FSTL5: variants seen among roughly 807,000 people sequenced by gnomAD.
FSTL5 encodes follistatin-related protein 5.
FSTL5 carries 62 observed loss-of-function variants against 89.1 expected under a neutral mutation model. The observed-to-expected ratio is 0.70, with a 90% CI of 0.57 to 0.86. The LOEUF (loss-of-function observed/expected upper bound fraction) is 0.86, where lower values mean the gene tolerates loss of function less well. Among genes scored for constraint, FSTL5 ranks in the 40% least tolerant of loss-of-function variants. The probability of loss-of-function intolerance (pLI) is 0.00; values close to 1 mark genes in which losing one functional copy is unlikely to be tolerated. For missense variants in FSTL5, 1,057 were observed against 1,001.6 expected, an observed-to-expected ratio of 1.06 and a Z score of -0.75; for synonymous variants, 383 against 346.2, an observed-to-expected ratio of 1.11 and a Z score of -1.18.
chr4:161,533,141 G>T (rs1731480149), intron 10 of FSTL5, among the ~76,000 whole-genome samples: 1 of 147,884 alleles, frequency 6.8e-6, no homozygotes, highest in African/African-American at 2.5e-5. Flanking sequence ...CCTCAAGTTA[G>T]CAATCCAACA....
At chr4:162,023,188 G>A (rs1302371953) in intron 3 of FSTL5, among the ~76,000 whole-genome samples, 2 of 152,100 alleles carry the variant, frequency 1.3e-5, no homozygotes, top group Non-Finnish European at 2.9e-5. Flanking sequence ...CTATCGTGTG[G>A]TATGGTAAGA....
At chr4:162,019,720 C>T (rs1443660569) in intron 3 of FSTL5, among the ~76,000 whole-genome samples, 1 of 150,832 alleles carries the variant, frequency 6.6e-6, no homozygotes. Context: ...TTGGTTTTAG[C>T]CATTAAATAA....
chr4:161,805,107 C>A (rs1490001668), intron 4 of FSTL5, among the ~76,000 whole-genome samples: 1 of 152,096 alleles, frequency 6.6e-6, no homozygotes, highest in African/African-American at 2.4e-5. Context: ...TTTCACCTAA[C>A]ATCTTTGACT....
chr4:161,430,204 G>GAA (rs145619491), intron 15 of FSTL5, among the ~76,000 whole-genome samples: 2 of 148,044 alleles, frequency 1.4e-5, no homozygotes, highest in South Asian at 2.2e-4. Flanking sequence ...GGAGCAAAAA[G>GAA]AAAAAAAAAT....
At position 161,956,111 on chromosome 4, in the gene FSTL5, AATT is replaced by A. The variant is rs150322075; in HGVS notation, c.161-35462_161-35460del. On this transcript the variant is annotated intron_variant, in intron 3 of 15. Transcript: ENST00000306100. Reference sequence around the variant, plus strand: ...TTTGCTTGTTATGATGAAAAAATCAAATTAAAAATCTATTTTTTCTTTAAACCT... The same window carrying A: ...TTTGCTTGTTATGATGAAAAAATCAAAAAAATCTATTTTTTCTTTAAACCT... Among the ~76,000 whole-genome samples, 659 of 152,004 alleles carry A rather than the reference AATT, an allele frequency of 4.3e-3. 4 individuals carry two copies. The highest frequency in any genetic ancestry group is 0.015 in the African/African-American group (620 of 41,538).
intron 4 of FSTL5, among the ~76,000 whole-genome samples, chr4:161,899,170 CA>C (rs900807156): frequency 1.1e-4 from 16 of 152,120 alleles, no homozygotes; most frequent in African/African-American, 3.6e-4. Context: ...GGATTCTAAT[CA>C]GAATTTGTTT....
intron 10 of FSTL5, among the ~76,000 whole-genome samples, chr4:161,517,713 T>A (rs1730888702): frequency 1.3e-5 from 2 of 152,230 alleles, no homozygotes; most frequent in Non-Finnish European, 2.9e-5. Context: ...GTAAATTGCC[T>A]GAATTTTATA....
rs545020866 is a variant in FSTL5, at chr4:161,383,994, C to T, written c.*1753G>A. ...ACAAAAGAAGGATGTATGCGACAGA[C>T]TTACATGAAATCATTAAGTCACAGA... On this transcript the variant is annotated 3_prime_UTR_variant, in exon 16 of 16. Transcript: ENST00000306100. 1 of 152,264 alleles carries T rather than the reference C, an allele frequency of 6.6e-6. No individual in the cohort carries two copies. The highest frequency in any genetic ancestry group is 1.5e-5 in the Non-Finnish European group (1 of 68,004). The allele number at this position is 152,264 out of a possible 1,614,324, so 9.4% of individuals were successfully genotyped here.
In FSTL5 at chr4:161,441,722, G is replaced by T. The variant is rs187982973; in HGVS notation, c.1841+13282C>A. Among the ~76,000 whole-genome samples the T allele has an allele frequency of 3.9e-5, 6 of 152,164 alleles. No homozygotes were observed. In the East Asian group the frequency reaches 1.2e-3, roughly 29 times the overall value. ...CTAGAAGAATTTTATTACTCCCAGG[G>T]TTCAAGGTTTTTTGAATCATAAGTT... On this transcript the variant is annotated intron_variant, in intron 15 of 15. Coordinates refer to ENST00000306100, the MANE Select transcript of FSTL5 (RefSeq NM_020116.5).
chr4:161,561,446 C>T (rs541388849), intron 8 of FSTL5, among the ~76,000 whole-genome samples: 1 of 151,954 alleles, frequency 6.6e-6, no homozygotes, highest in African/African-American at 2.4e-5. Flanking sequence ...CCAGGAACTG[C>T]ATGGTTTGAG....
At chr4:161,391,314 A>G (rs1730815124) in intron 15 of FSTL5, among the ~76,000 whole-genome samples, 1 of 152,186 alleles carries the variant, frequency 6.6e-6, no homozygotes, top group South Asian at 2.1e-4. Flanking sequence ...GGGTCATATT[A>G]TTAATATCTA....
At chr4:161,754,734 A>G (rs1740514523) in intron 6 of FSTL5, among the ~76,000 whole-genome samples, 1 of 152,120 alleles carries the variant, frequency 6.6e-6, no homozygotes, top group Non-Finnish European at 1.5e-5. Flanking sequence ...GCAAATAAAG[A>G]CATTTATTTG....
At chr4:161,496,484 A>G (rs562582658) in intron 12 of FSTL5, among the ~76,000 whole-genome samples, 1 of 152,268 alleles carries the variant, frequency 6.6e-6, no homozygotes, top group Admixed American at 6.5e-5. Context: ...ATTAAGAGCA[A>G]AGACTAAGGT....
At position 161,478,497 on chromosome 4, in the gene FSTL5, A is replaced by T. The variant is rs886740144; in HGVS notation, c.1608+2523T>A. 4.6e-5 allele frequency among the ~76,000 whole-genome samples: 7 copies of T among 152,106 alleles called. No homozygotes were observed. The East Asian group carries it at 1.3e-3, about 29-fold the overall frequency. ...TACAACTCATGCCTTAACAAAACTT[A>T]CTGTTAGGTGCATCACAACCTTCTT... On this transcript the variant is annotated intron_variant, in intron 13 of 15. Coordinates refer to ENST00000306100, the MANE Select transcript of FSTL5 (RefSeq NM_020116.5).
intron 4 of FSTL5, among the ~76,000 whole-genome samples, chr4:161,894,389 G>C (rs1733086949): frequency 2.0e-5 from 3 of 152,146 alleles, no homozygotes; most frequent in African/African-American, 7.2e-5. Context: ...TATTTGAAAA[G>C]CTAAGAGCAA....
chr4:161,481,930 T>C (rs1051599517), intron 12 of FSTL5, among the ~76,000 whole-genome samples: 1 of 152,212 alleles, frequency 6.6e-6, no homozygotes, highest in African/African-American at 2.4e-5. Flanking sequence ...ACAGCATAAG[T>C]AAAAGCGTAT....
At chr4:161,827,674 T>C (rs528162183) in intron 4 of FSTL5, among the ~76,000 whole-genome samples, 1 of 152,244 alleles carries the variant, frequency 6.6e-6, no homozygotes, top group Admixed American at 6.5e-5. Flanking sequence ...AATGGAGTTA[T>C]GTTCCCAGGG....
At chr4:161,767,443 A>G (rs563977060) in intron 5 of FSTL5, among the ~76,000 whole-genome samples, 12 of 152,322 alleles carry the variant, frequency 7.9e-5, no homozygotes, top group African/African-American at 2.4e-4. Context: ...TGAGACGTAC[A>G]TTGTAAAATT....
rs375362155 is a variant in FSTL5 at position 161,418,527 on chromosome 4, A to T, written c.1842-32078T>A. 6.9e-4 allele frequency among the ~76,000 whole-genome samples: 105 copies of T among 152,258 alleles called. No homozygotes were observed. The East Asian group carries it at 0.011, about 17-fold the overall frequency. ...AACCACCACCATTACGACAGTGATCACTCACTAATTCACCAAAAGTTTGAT... is the reference window on the plus strand; with the variant it reads ...AACCACCACCATTACGACAGTGATCTCTCACTAATTCACCAAAAGTTTGAT... On this transcript the variant is annotated intron_variant, in intron 15 of 15. Transcript: ENST00000306100.
Sources: allele counts gnomAD v4.1 joint callset (sites outside exome capture counted in the v4.1 genomes callset), GRCh38; gene constraint gnomAD v4.1.1; transcripts MANE v1.5; gene names NCBI Gene and HGNC (gene_info 2026-07-23, HGNC 2026-07-21).